Variants in ZNF106 observed in about 807,000 individuals in gnomAD.
The protein encoded by ZNF106 is SH3-domain binding protein 3.
In ZNF106, 67 loss-of-function variants were observed where a neutral mutation model predicts 195.1. The ratio of observed to expected loss-of-function variants is 0.34; its 90% CI spans 0.28 to 0.42. ZNF106 has a LOEUF of 0.42. Among genes scored for constraint, ZNF106 ranks in the 10% least tolerant of loss-of-function variants. The pLI, the probability that ZNF106 is intolerant of heterozygous loss-of-function variation, is 1.00. For synonymous variants in ZNF106, 784 were observed against 818.6 expected (o/e 0.96, Z 0.72); for missense variants, 2,118 against 2,304.5 (o/e 0.92, Z 1.66).
intron 1 of ZNF106, among the ~76,000 whole-genome samples, chr15:42,488,645 G>A (rs1378899289): frequency 6.6e-6 from 1 of 152,120 alleles, no homozygotes; most frequent in Non-Finnish European, 1.5e-5. Context: ...AGCCATTCCT[G>A]GTCCCAGAAC....
intron 1 of ZNF106, among the ~76,000 whole-genome samples, chr15:42,487,669 TAA>T (rs914262519): frequency 1.3e-5 from 2 of 152,146 alleles, no homozygotes; most frequent in Admixed American, 1.3e-4. Context: ...CTTAACCATT[TAA>T]GTGTAGTTTA....
chr15:42,439,848 T>G, intron 10 of ZNF106, 35 bp from the exon 11 acceptor site: 1 of 1,492,914 alleles, frequency 6.7e-7, no homozygotes, highest in Non-Finnish European at 8.9e-7. Context: ...TGCATCCTTT[T>G]TTGTGTTTGC....
chr15:42,422,414 CCA>C (rs1180975468), intron 18 of ZNF106, 85 bp downstream of exon 18: 1 of 1,497,310 alleles, frequency 6.7e-7, no homozygotes, highest in African/African-American at 1.4e-5. Context: ...GGGTTCCATC[CCA>C]CCTTACTGTA....
chr15:42,457,636 G>T, intron 3 of ZNF106: 3 of 689,090 alleles, frequency 4.4e-6, no homozygotes, highest in Non-Finnish European at 5.4e-6. Context: ...CCAATCCCAA[G>T]TCGGTAACTA....
Position 42,424,926 on chromosome 15 carries a change from A to AC in ZNF106, c.5097dup (p.Ser1700ValfsTer3). ...CGTACACTAATTGTGCAGTCATAAG[A>AC]CCCCACGACCAGCAGTTTTCGGGCA... is the stretch of plus-strand genomic sequence containing the variant. On this transcript the variant is annotated frameshift_variant, in exon 16 of 22. Coordinates refer to ENST00000564754, the MANE Select transcript of ZNF106 (RefSeq NM_001366845.3). LOFTEE classifies it high-confidence loss of function. The AC allele has an allele frequency of 6.2e-7, 1 of 1,613,852 alleles. No homozygotes were observed. The highest frequency in any genetic ancestry group is 8.5e-7 in the Non-Finnish European group (1 of 1,180,002).
chr15:42,482,790 A>G (rs963719907), intron 1 of ZNF106, among the ~76,000 whole-genome samples: 27 of 151,904 alleles, frequency 1.8e-4, no homozygotes, highest in Non-Finnish European at 1.5e-5. Flanking sequence ...CGACCTCCCA[A>G]AGTGCTAGGA....
At chr15:42,437,480 A>G (rs1024301183) in intron 12 of ZNF106, 103 bp from the exon 13 acceptor site, 20 of 1,342,928 alleles carry the variant, frequency 1.5e-5, no homozygotes, top group Non-Finnish European at 1.8e-5. Context: ...GATTAAACCA[A>G]AAGTAGATCC....
chr15:42,429,456 T>A lies in ZNF106; in HGVS notation c.4882-1322A>T, dbSNP rs538998251. ...CCCGTCTCAATTAAAAAAAAAAAAA[T>A]TTGTTGTTGAATGATACTGAAGACC... On this transcript the variant is annotated intron_variant, in intron 14 of 21. Coordinates refer to ENST00000564754, the MANE Select transcript of ZNF106 (RefSeq NM_001366845.3). Among the ~76,000 whole-genome samples the A allele has an allele frequency of 1.1e-4, 16 of 150,932 alleles. No individual in the cohort carries two copies. The East Asian group carries it at 1.4e-3, about 13-fold the overall frequency.
At chr15:42,422,009 G>A (rs767187585) in intron 18 of ZNF106, 21 bp from the exon 19 acceptor site, 13 of 1,525,780 alleles carry the variant, frequency 8.5e-6, no homozygotes, top group African/African-American at 4.1e-5. Context: ...AAAAAAAAAA[G>A]AGAATTGAAG....
intron 1 of ZNF106, chr15:42,490,440 G>A (rs1288045603): frequency 6.6e-6 from 1 of 152,040 alleles, no homozygotes; most frequent in Admixed American, 6.6e-5. Flanking sequence ...AGGGGAAGAG[G>A]ATGTAAAGCA....
At chr15:42,483,321 C>G (rs994091815) in intron 1 of ZNF106, among the ~76,000 whole-genome samples, 1 of 152,194 alleles carries the variant, frequency 6.6e-6, no homozygotes, top group African/African-American at 2.4e-5. Context: ...TTGAGAGCCA[C>G]CAGCCTCTTC....
In ZNF106 at chr15:42,424,858, A is replaced by G; in HGVS notation, c.5166T>C (p.His1722=). Residue 1722 remains histidine (H), a synonymous_variant, in exon 16 of 22, where the codon CAT becomes CAC. Coordinates refer to ENST00000564754, the MANE Select transcript of ZNF106 (RefSeq NM_001366845.3). ...NGLLLRTLEG[H]SKTILCMKVV... ...CCTTCATGCAAAGAATGGTTTTGCT[A>G]TGGCCCTCCAGAGTTCTGAGGAGCA... 1.2e-6 allele frequency: 2 copies of G among 1,614,090 alleles called. No individual in the cohort carries two copies. The highest frequency in any genetic ancestry group is 1.3e-5 in the African/African-American group (1 of 75,020).
Position 42,412,851 on chromosome 15 carries a change from C to G in ZNF106, c.*4453G>C, listed in dbSNP as rs2054313480. 1 of 152,224 alleles carries G rather than the reference C, an allele frequency of 6.6e-6. No individual in the cohort carries two copies. Among genetic ancestry groups the G allele is most frequent in the South Asian group, 2.1e-4 (1 of 4,830 alleles). The allele number at this position is 152,224 out of a possible 1,614,324, so 9.4% of individuals were successfully genotyped here. A position where few individuals can be genotyped will look rare whatever the true frequency, so the allele number is the denominator to read the frequency against. ...ATTAGTAAAAGTACTTTATTTTCCTCTTGTATTTGCTTTATATCTTGCTTT... is the reference window on the plus strand; with the variant it reads ...ATTAGTAAAAGTACTTTATTTTCCTGTTGTATTTGCTTTATATCTTGCTTT... On this transcript the variant is annotated 3_prime_UTR_variant, in exon 22 of 22. Coordinates refer to ENST00000564754, the MANE Select transcript of ZNF106 (RefSeq NM_001366845.3).
At position 42,424,032 on chromosome 15, in the gene ZNF106, G is replaced by A. The variant is rs1854357705; in HGVS notation, c.5219C>T (p.Ser1740Phe). 1 of 1,613,264 alleles carries A rather than the reference G, an allele frequency of 6.2e-7. No homozygotes were observed. Among genetic ancestry groups the A allele is most frequent in the Non-Finnish European group, 8.5e-7 (1 of 1,179,756 alleles). Residue 1740 changes from serine to phenylalanine, a missense_variant, in exon 17 of 22, where the codon TCC (serine) becomes TTC (phenylalanine). Ser to Phe is a radical substitution (Grantham distance 155, BLOSUM62 -2). Coordinates refer to ENST00000564754, the MANE Select transcript of ZNF106 (RefSeq NM_001366845.3). The stretch of plus-strand genomic sequence containing the variant: ...GTGAGCATGGACTGACTGATCACTG[G>A]AGCCACTGAACACGAGATCATTCAC... ...KVVNDLVFSG[S>F]SDQSVHAHNI...
At chr15:42,448,046 CA>C in intron 6 of ZNF106, 25 bp downstream of exon 6, 2 of 1,571,822 alleles carry the variant, frequency 1.3e-6, no homozygotes, top group Non-Finnish European at 1.7e-6. Context: ...CGATGTTCTA[CA>C]AAAAGCAGAG....
At chr15:42,423,471 G>A (rs984521411) in intron 17 of ZNF106, among the ~76,000 whole-genome samples, 1 of 152,026 alleles carries the variant, frequency 6.6e-6, no homozygotes, top group Non-Finnish European at 1.5e-5. Context: ...TGAACTCCTG[G>A]GGCCAAATAA....
intron 1 of ZNF106, among the ~76,000 whole-genome samples, chr15:42,485,773 A>C (rs2057000053): frequency 6.6e-6 from 1 of 152,162 alleles, no homozygotes; most frequent in African/African-American, 2.4e-5. Flanking sequence ...CACAACAATA[A>C]ACAATGTGGT....
At chr15:42,422,453 G>C (rs1308878723) in intron 18 of ZNF106, 48 bp downstream of exon 18, 3 of 1,593,394 alleles carry the variant, frequency 1.9e-6, no homozygotes, top group Middle Eastern at 2.0e-4. Context: ...AACCCAAATA[G>C]ACAATCTCCC....
intron 8 of ZNF106, 136 bp downstream of exon 8, chr15:42,444,691 A>T: frequency 9.5e-7 from 1 of 1,057,738 alleles, no homozygotes; most frequent in Non-Finnish European, 1.4e-6. Context: ...GTCCCCCATT[A>T]GGCACAGTCT....
Sources: allele counts gnomAD v4.1 joint callset (sites outside exome capture counted in the v4.1 genomes callset), GRCh38; gene constraint gnomAD v4.1.1; transcripts MANE v1.5; gene names NCBI Gene and HGNC (gene_info 2026-07-23, HGNC 2026-07-21).